KCNT2: variants seen among roughly 807,000 people sequenced by gnomAD.
The protein encoded by KCNT2 is potassium sodium-activated channel subfamily T member 2.
KCNT2 carries 67 observed loss-of-function variants against 153.8 expected under a neutral mutation model. The ratio of observed to expected loss-of-function variants is 0.44; its 90% CI spans 0.36 to 0.53. KCNT2 has a LOEUF of 0.53. Ranked by LOEUF, KCNT2 falls within the 20% of genes least tolerant of loss-of-function variation. The pLI, the probability that KCNT2 is intolerant of heterozygous loss-of-function variation, is 0.00. For synonymous variants in KCNT2, 500 were observed against 458.8 expected (o/e 1.09, Z -1.15); for missense variants, 975 against 1,354.8 (o/e 0.72, Z 4.40).
intron 12 of KCNT2, among the ~76,000 whole-genome samples, chr1:196,416,978 T>C (rs1672808688): frequency 6.6e-6 from 1 of 152,084 alleles, no homozygotes; most frequent in Non-Finnish European, 1.5e-5. Flanking sequence ...TGTCCATTAG[T>C]TCAATTGCTT....
intron 2 of KCNT2, among the ~76,000 whole-genome samples, chr1:196,490,458 T>G (rs992257968): frequency 2.0e-5 from 3 of 147,880 alleles, no homozygotes; most frequent in Non-Finnish European, 3.0e-5. Context: ...TCCAATTATA[T>G]AATTATATAT....
chr1:196,285,741 G>A lies in KCNT2; in HGVS notation c.2613C>T (p.Gly871=), dbSNP rs755463648. ...GTCGAAACATAAAGGCCAAGTTAGAGCCTCTCTCCCGTTCTTTCTGTTCAG... is the reference window on the plus strand; with the variant it reads ...GTCGAAACATAAAGGCCAAGTTAGAACCTCTCTCCCGTTCTTTCTGTTCAG... ...SKLEKKERER[G]SNLAFMFRLP... Residue 871 remains glycine (G), a synonymous_variant, in exon 23 of 28, where the codon GGC becomes GGT. Transcript: ENST00000294725. 5.6e-6 allele frequency: 9 copies of A among 1,610,718 alleles called. No individual in the cohort carries two copies. Among genetic ancestry groups the A allele is most frequent in the Admixed American group, 1.7e-5 (1 of 59,962 alleles).
intron 1 of KCNT2, among the ~76,000 whole-genome samples, chr1:196,497,220 A>G (rs1421626006): frequency 6.6e-6 from 1 of 152,210 alleles, no homozygotes; most frequent in Non-Finnish European, 1.5e-5. Flanking sequence ...ACAAAAAACA[A>G]CATCTGTACT....
At position 196,566,476 on chromosome 1, in the gene KCNT2, C is replaced by A. The variant is rs192376879; in HGVS notation, c.95+41739G>T. 3.3e-5 allele frequency among the ~76,000 whole-genome samples: 5 copies of A among 152,102 alleles called. No homozygotes were observed. In the East Asian group the frequency reaches 9.7e-4, roughly 29 times the overall value. On this transcript the variant is annotated intron_variant, in intron 1 of 27. Coordinates refer to ENST00000294725, the MANE Select transcript of KCNT2 (RefSeq NM_198503.5). ...TCAAAGATATGTTTATGAGTAGGAA[C>A]ATGGCAATTGTGTGCAAGATTAATC...
At chr1:196,302,637 G>T (rs1027431361) in intron 22 of KCNT2, among the ~76,000 whole-genome samples, 2 of 151,814 alleles carry the variant, frequency 1.3e-5, no homozygotes, top group Non-Finnish European at 1.5e-5. Context: ...AAATGTCAGT[G>T]AGCCATAAAT....
intron 21 of KCNT2, among the ~76,000 whole-genome samples, chr1:196,313,506 T>A (rs1375526227): frequency 6.6e-6 from 1 of 151,520 alleles, no homozygotes; most frequent in Non-Finnish European, 1.5e-5. Flanking sequence ...AGGATGATAA[T>A]TAACCACATC....
At chr1:196,235,725 C>T (rs1654373599) in intron 27 of KCNT2, among the ~76,000 whole-genome samples, 1 of 151,322 alleles carries the variant, frequency 6.6e-6, no homozygotes, top group African/African-American at 2.4e-5. Flanking sequence ...CACGTCTTCA[C>T]TTATTTTTTC....
chr1:196,334,081 A>C (rs539071853), intron 16 of KCNT2, 21 bp from the exon 17 acceptor site: 6 of 1,569,420 alleles, frequency 3.8e-6, no homozygotes, highest in South Asian at 3.3e-5. Context: ...AAAACATGAA[A>C]ATTTATCAAG....
At chr1:196,493,691 C>A (rs1185560172) in intron 1 of KCNT2, among the ~76,000 whole-genome samples, 2 of 152,140 alleles carry the variant, frequency 1.3e-5, no homozygotes, top group Non-Finnish European at 2.9e-5. Flanking sequence ...TCTCCTAATG[C>A]TATCCCTTCC....
intron 7 of KCNT2, 145 bp from the exon 8 acceptor site, chr1:196,465,532 T>G: frequency 1.7e-6 from 1 of 601,282 alleles, no homozygotes; most frequent in East Asian, 2.9e-5. Flanking sequence ...AATGGAAATA[T>G]AAGCATATTT....
At chr1:196,584,754 G>T (rs1661072171) in intron 1 of KCNT2, among the ~76,000 whole-genome samples, 4 of 152,004 alleles carry the variant, frequency 2.6e-5, no homozygotes, top group Admixed American at 2.0e-4. Context: ...AGAACCTTGG[G>T]ACTCAGGAGG....
intron 13 of KCNT2, among the ~76,000 whole-genome samples, chr1:196,376,047 A>AC (rs1553305220): frequency 4.0e-5 from 6 of 151,832 alleles, no homozygotes; most frequent in Admixed American, 3.3e-4. Context: ...CTCTTGGGAC[A>AC]TTTTTTAGAA....
intron 1 of KCNT2, among the ~76,000 whole-genome samples, chr1:196,562,659 C>T (rs982029860): frequency 3.3e-5 from 5 of 150,282 alleles, no homozygotes; most frequent in Non-Finnish European, 7.4e-5. Context: ...GTCATGATAT[C>T]GTTGATTTTG....
At chr1:196,424,526 G>T (rs1673482065) in intron 11 of KCNT2, among the ~76,000 whole-genome samples, 1 of 151,820 alleles carries the variant, frequency 6.6e-6, no homozygotes, top group Admixed American at 6.6e-5. Context: ...GAGGTGCTGG[G>T]AAAATCTGAT....
At chr1:196,307,093 A>C (rs1173083011) in intron 21 of KCNT2, among the ~76,000 whole-genome samples, 2 of 152,020 alleles carry the variant, frequency 1.3e-5, no homozygotes, top group Non-Finnish European at 2.9e-5. Flanking sequence ...CAGTAATTTT[A>C]TTTGTGCAAC....
Position 196,348,862 on chromosome 1 carries a change from C to T in KCNT2, c.1404-6634G>A, listed in dbSNP as rs371309975. ...CCAACATGGAGAAACCCTGTCTCTA[C>T]GAAAAATACAAAACAAAACAAAACA... On this transcript the variant is annotated intron_variant, in intron 14 of 27. Transcript: ENST00000294725. Among the ~76,000 whole-genome samples, 13 of 151,666 alleles carry T rather than the reference C, an allele frequency of 8.6e-5. No homozygotes were observed. The East Asian group carries it at 9.7e-4, about 11-fold the overall frequency.
chr1:196,416,831 TA>T (rs1419091956), intron 12 of KCNT2, among the ~76,000 whole-genome samples: 1 of 152,102 alleles, frequency 6.6e-6, no homozygotes, highest in Non-Finnish European at 1.5e-5. Context: ...TTATTGACTA[TA>T]GTCACTCTGT....
chr1:196,363,667 T>G (rs1449871084), intron 14 of KCNT2, among the ~76,000 whole-genome samples: 1 of 152,160 alleles, frequency 6.6e-6, no homozygotes, highest in African/African-American at 2.4e-5. Context: ...CATACTGTCT[T>G]GGCCTTCTGC....
At chr1:196,229,235 C>T (rs907631252) in intron 27 of KCNT2, among the ~76,000 whole-genome samples, 2 of 152,028 alleles carry the variant, frequency 1.3e-5, no homozygotes, top group African/African-American at 4.8e-5. Flanking sequence ...CATGTGCTCA[C>T]TTAGGGTCTC....
Sources: allele counts gnomAD v4.1 joint callset (sites outside exome capture counted in the v4.1 genomes callset), GRCh38; gene constraint gnomAD v4.1.1; transcripts MANE v1.5; gene names NCBI Gene and HGNC (gene_info 2026-07-23, HGNC 2026-07-21).